ATF7: variants seen among roughly 807,000 people sequenced by gnomAD.
ATF7 encodes cyclic AMP-dependent transcription factor ATF-7.
ATF7 carries 10 observed loss-of-function variants against 50.4 expected under a neutral mutation model. That is an observed-to-expected ratio of 0.20 (90% CI 0.12 to 0.34). The LOEUF (loss-of-function observed/expected upper bound fraction) is 0.34. ATF7 is among the 10% of genes least tolerant of loss of function. The pLI is 1.00. For synonymous variants in ATF7, 201 were observed against 226.4 expected (o/e 0.89, Z 1.01); for missense variants, 465 against 613.9 (o/e 0.76, Z 2.56).
At chr12:53,579,041 G>A (rs1205089801) in intron 2 of ATF7, among the ~76,000 whole-genome samples, 1 of 151,998 alleles carries the variant, frequency 6.6e-6, no homozygotes, top group Non-Finnish European at 1.5e-5. Context: ...TCAGGAATTC[G>A]AGACCAGCCT....
At chr12:53,527,492 TA>T (rs1217517153) in intron 9 of ATF7, among the ~76,000 whole-genome samples, 1 of 145,248 alleles carries the variant, frequency 6.9e-6, no homozygotes, top group Admixed American at 6.9e-5. Context: ...CAAAAACAAA[TA>T]AAAAAAAGAT....
intron 3 of ATF7, among the ~76,000 whole-genome samples, chr12:53,548,779 T>C (rs940345504): frequency 2.6e-5 from 4 of 152,070 alleles, no homozygotes; most frequent in African/African-American, 9.7e-5. Flanking sequence ...GGCAAGGAGT[T>C]CAAGACCAAC....
intron 1 of ATF7, among the ~76,000 whole-genome samples, chr12:53,607,340 T>A (rs1188160875): frequency 1.3e-5 from 2 of 152,170 alleles, no homozygotes; most frequent in African/African-American, 4.8e-5. Context: ...CTTTTGGGAG[T>A]ACATATTTAG....
chr12:53,576,260 C>A (rs976461240), intron 2 of ATF7, among the ~76,000 whole-genome samples: 1 of 152,148 alleles, frequency 6.6e-6, no homozygotes, highest in African/African-American at 2.4e-5. Flanking sequence ...GCCTCACCAA[C>A]CTCCTTAGAC....
rs999857627 is a variant in ATF7 at position 53,572,803 on chromosome 12, T to C, written c.49-20166A>G. Reference sequence around the variant, plus strand: ...CTCTATTTAATTTTTTTTTTTTTTTTGAGAGAGAATCTCACTCTGTCACCC... The same window carrying C: ...CTCTATTTAATTTTTTTTTTTTTTTCGAGAGAGAATCTCACTCTGTCACCC... On this transcript the variant is annotated intron_variant, in intron 2 of 11. Coordinates refer to ENST00000420353, the MANE Select transcript of ATF7 (RefSeq NM_006856.3). Among the ~76,000 whole-genome samples the C allele has an allele frequency of 2.8e-4, 43 of 151,674 alleles. 1 individual carries two copies. The East Asian group carries it at 7.9e-3, about 28-fold the overall frequency.
rs928993130 is a variant in ATF7, at chr12:53,531,741, G to A, written c.927+3C>T. On this transcript the variant is annotated splice_donor_region_variant and intron_variant, in intron 9 of 11. Coordinates refer to ENST00000420353, the MANE Select transcript of ATF7 (RefSeq NM_006856.3). ...TATGACATAAAGAGTAAGAGCCACT[G>A]ACCTGTGGCTGGGCAGGGGATGGGG... The A allele has an allele frequency of 6.2e-7, 1 of 1,609,978 alleles. No individual in the cohort carries two copies. Among genetic ancestry groups the A allele is most frequent in the Admixed American group, 1.7e-5 (1 of 59,206 alleles).
rs539174961 is a variant in ATF7 at position 53,532,257 on chromosome 12, G to A, written c.774+253C>T. ...CACCCTCCATCTGTCACCCTAAAACGGCAAGTGTTCCATTCCAAACAATCT... is the reference window on the plus strand; with the variant it reads ...CACCCTCCATCTGTCACCCTAAAACAGCAAGTGTTCCATTCCAAACAATCT... On this transcript the variant is annotated intron_variant, in intron 8 of 11. Transcript: ENST00000420353. Among the ~76,000 whole-genome samples, 10 of 152,224 alleles carry A rather than the reference G, an allele frequency of 6.6e-5. No homozygotes were observed. The South Asian group carries it at 1.7e-3, about 25-fold the overall frequency.
chr12:53,552,773 G>A lies in ATF7; in HGVS notation c.49-136C>T. ...AAGAACTGGAGAGGGAGAAAAAACT[G>A]GAAGAGGAGAAGAGATGGAGAAAAA... On this transcript the variant is annotated intron_variant, in intron 2 of 11. Transcript: ENST00000420353. 4.4e-6 allele frequency: 3 copies of A among 685,902 alleles called. No individual in the cohort carries two copies. The South Asian group carries it at 5.3e-5, about 12-fold the overall frequency. The allele number at this position is 685,902 out of a possible 1,614,324, so 42.5% of individuals were successfully genotyped here. A position where few individuals can be genotyped will look rare whatever the true frequency, so the allele number is the denominator to read the frequency against.
At chr12:53,563,587 A>G (rs1941277198) in intron 2 of ATF7, among the ~76,000 whole-genome samples, 1 of 152,244 alleles carries the variant, frequency 6.6e-6, no homozygotes, top group African/African-American at 2.4e-5. Flanking sequence ...ATCGCACTCC[A>G]GCCTGGGCAA....
intron 2 of ATF7, among the ~76,000 whole-genome samples, chr12:53,597,841 A>T (rs1199477267): frequency 6.6e-6 from 1 of 151,550 alleles, no homozygotes; most frequent in Non-Finnish European, 1.5e-5. Context: ...ATCCTGAGTT[A>T]TAATTGTTTT....
At chr12:53,556,825 A>G (rs1162864457) in intron 2 of ATF7, among the ~76,000 whole-genome samples, 1 of 152,230 alleles carries the variant, frequency 6.6e-6, no homozygotes, top group African/African-American at 2.4e-5. Flanking sequence ...ATGGACCCCC[A>G]TAAGAAAAAA....
chr12:53,538,838 C>A (rs1181118920), intron 4 of ATF7, among the ~76,000 whole-genome samples: 1 of 152,116 alleles, frequency 6.6e-6, no homozygotes, highest in Non-Finnish European at 1.5e-5. Flanking sequence ...GGTTCATTTT[C>A]CCCAATCTGA....
chr12:53,604,403 C>T (rs1592972393), intron 1 of ATF7, among the ~76,000 whole-genome samples: 2 of 152,154 alleles, frequency 1.3e-5, no homozygotes, highest in Admixed American at 1.3e-4. Context: ...AGAGGTAGAT[C>T]CTAAAATGGT....
chr12:53,537,845 T>C (rs1287207304), intron 4 of ATF7, among the ~76,000 whole-genome samples: 1 of 152,182 alleles, frequency 6.6e-6, no homozygotes, highest in Non-Finnish European at 1.5e-5. Flanking sequence ...CCCAAGTAGC[T>C]GGGATTATAG....
In ATF7 at chr12:53,514,134, A is replaced by T. The variant is rs1490576444; in HGVS notation, c.*3003T>A. The T allele has an allele frequency of 6.6e-6, 1 of 152,118 alleles. No homozygotes were observed. Among genetic ancestry groups the T allele is most frequent in the African/African-American group, 2.4e-5 (1 of 41,414 alleles). 9.4% of individuals were successfully genotyped at this position (152,118 alleles called of 1,614,324 possible). On this transcript the variant is annotated 3_prime_UTR_variant, in exon 12 of 12. Transcript: ENST00000420353. ...TTCTTAGACTTTTCAACTCTAAGCA[A>T]ACTTTCTGTTAGGGGAATGGGGCAG...
intron 9 of ATF7, among the ~76,000 whole-genome samples, chr12:53,529,599 C>T (rs1938720183): frequency 6.6e-6 from 1 of 150,496 alleles, no homozygotes; most frequent in East Asian, 1.9e-4. Context: ...GCTGGGACTA[C>T]AGCTGTGAGC....
At chr12:53,581,973 A>G (rs1942444683) in intron 2 of ATF7, among the ~76,000 whole-genome samples, 1 of 151,732 alleles carries the variant, frequency 6.6e-6, no homozygotes, top group Non-Finnish European at 1.5e-5. Flanking sequence ...AAATAAAAAA[A>G]TTAGCCGGGT....
rs184961803 is a variant in ATF7 at position 53,530,767 on chromosome 12, C to A, written c.927+977G>T. 5.9e-5 allele frequency among the ~76,000 whole-genome samples: 9 copies of A among 151,976 alleles called. No individual in the cohort carries two copies. In the East Asian group the frequency reaches 1.4e-3, roughly 23 times the overall value. ...GGATTACAGGCGCACATCACCATGCCCCGCTAATTTTTTGTATTTTTAGTA... is the reference window on the plus strand; with the variant it reads ...GGATTACAGGCGCACATCACCATGCACCGCTAATTTTTTGTATTTTTAGTA... On this transcript the variant is annotated intron_variant, in intron 9 of 11. Transcript: ENST00000420353.
chr12:53,568,404 T>A (rs1276741200), intron 2 of ATF7, among the ~76,000 whole-genome samples: 1 of 152,096 alleles, frequency 6.6e-6, no homozygotes, highest in Admixed American at 6.5e-5. Flanking sequence ...ACACACACTC[T>A]CTCTCTCTCT....
Sources: gnomAD v4.1 joint callset for allele counts (sites outside exome capture counted in the v4.1 genomes callset) on GRCh38, gnomAD v4.1.1 for gene constraint, MANE v1.5 for transcripts, NCBI Gene and HGNC (gene_info 2026-07-23, HGNC 2026-07-21) for gene names.